MYT1L: variants seen among roughly 807,000 people sequenced by gnomAD.
The protein encoded by MYT1L is myelin transcription factor 1 like.
In MYT1L, 12 loss-of-function variants were observed where a neutral mutation model predicts 126.7. That is an observed-to-expected ratio of 0.09 (90% CI 0.06 to 0.15). The LOEUF is 0.15. Among genes scored for constraint, MYT1L ranks in the 10% least tolerant of loss-of-function variants. The probability of loss-of-function intolerance (pLI) is 1.00; values close to 1 mark genes in which losing one functional copy is unlikely to be tolerated. For missense variants in MYT1L, 979 were observed against 1,585.2 expected, an observed-to-expected ratio of 0.62 and a Z score of 6.49; for synonymous variants, 541 against 604.2, an observed-to-expected ratio of 0.90 and a Z score of 1.53.
At chr2:1,891,950 C>T in intron 15 of MYT1L, 87 bp downstream of exon 15, 1 of 1,437,612 alleles carries the variant, frequency 7.0e-7, no homozygotes, top group South Asian at 1.5e-5. Flanking sequence ...TACAGCTGCC[C>T]CGAAAGCGCC....
chr2:1,901,344 G>C (rs1417927274), intron 14 of MYT1L, among the ~76,000 whole-genome samples: 1 of 152,210 alleles, frequency 6.6e-6, no homozygotes, highest in African/African-American at 2.4e-5. Flanking sequence ...CAATGAATTG[G>C]AAATCATATA....
At chr2:1,875,210 G>T (rs373769507) in intron 18 of MYT1L, among the ~76,000 whole-genome samples, 132 of 152,260 alleles carry the variant, frequency 8.7e-4, no homozygotes, top group African/African-American at 3.0e-3. Context: ...GGGTGAGTGC[G>T]ATCGCTGCGG....
At chr2:2,252,078 C>T (rs753878635) in intron 2 of MYT1L, among the ~76,000 whole-genome samples, 18 of 152,062 alleles carry the variant, frequency 1.2e-4, no homozygotes, top group Non-Finnish European at 2.5e-4. Flanking sequence ...TTCAGCTGTC[C>T]TTGTTACCGA....
At chr2:1,819,709 A>T (rs1270476014) in intron 21 of MYT1L, among the ~76,000 whole-genome samples, 1 of 152,228 alleles carries the variant, frequency 6.6e-6, no homozygotes, top group African/African-American at 2.4e-5. Flanking sequence ...AGGGAGGTGG[A>T]GTCCGCATGG....
chr2:2,018,801 G>A (rs1046058209), intron 4 of MYT1L, among the ~76,000 whole-genome samples: 2 of 152,136 alleles, frequency 1.3e-5, no homozygotes, highest in African/African-American at 4.8e-5. Context: ...AGGAGGCTGG[G>A]AAAGAGGCCC....
chr2:1,890,618 G>C (rs2048743066), intron 15 of MYT1L, among the ~76,000 whole-genome samples: 1 of 151,808 alleles, frequency 6.6e-6, no homozygotes, highest in South Asian at 2.1e-4. Context: ...AAGAGAGTCA[G>C]AAGAATGGAC....
intron 4 of MYT1L, among the ~76,000 whole-genome samples, chr2:2,006,467 T>A (rs1385399332): frequency 6.6e-6 from 1 of 152,226 alleles, no homozygotes; most frequent in Non-Finnish European, 1.5e-5. Context: ...TCTCTAGACT[T>A]GATCATCCCA....
In MYT1L at chr2:1,851,630, T is replaced by C. The variant is rs1158405553; in HGVS notation, c.2774+11A>G. The C allele has an allele frequency of 1.9e-6, 3 of 1,612,274 alleles. No individual in the cohort carries two copies. Among genetic ancestry groups the C allele is most frequent in the East Asian group, 2.2e-5 (1 of 44,864 alleles). On this transcript the variant is annotated intron_variant, in intron 19 of 24. Coordinates refer to ENST00000647738, the MANE Select transcript of MYT1L (RefSeq NM_001303052.2). ...GAGCATTTTGGAGAGAAGAGTAGCA[T>C]CTCTACATACCTCCGATGAGAAGCA...
At chr2:2,312,533 A>G (rs1169434197) in intron 1 of MYT1L, among the ~76,000 whole-genome samples, 1 of 152,128 alleles carries the variant, frequency 6.6e-6, no homozygotes, top group African/African-American at 2.4e-5. Context: ...GGATTACTTG[A>G]ACGTGGGAGG....
rs146265716 is a variant in MYT1L at position 2,030,451 on chromosome 2, C to T, written c.-158+23527G>A. On this transcript the variant is annotated intron_variant, in intron 4 of 24. Transcript: ENST00000647738. ...TCTAAAGCATCTGATTCTTAACTAT[C>T]ATTCATTCGTTCATTTGTTATGTGT... Among the ~76,000 whole-genome samples, 50 of 152,278 alleles carry T rather than the reference C, an allele frequency of 3.3e-4. No individual in the cohort carries two copies. The East Asian group carries it at 7.9e-3, about 24-fold the overall frequency.
chr2:2,182,296 G>A (rs772725851), intron 2 of MYT1L, among the ~76,000 whole-genome samples: 7 of 152,168 alleles, frequency 4.6e-5, no homozygotes, highest in East Asian at 1.9e-4. Flanking sequence ...CATGCCAATC[G>A]CTGAAACCCT....
chr2:2,145,412 A>G (rs2084735506), intron 3 of MYT1L, among the ~76,000 whole-genome samples: 1 of 152,208 alleles, frequency 6.6e-6, no homozygotes, highest in African/African-American at 2.4e-5. Flanking sequence ...CACTACAGAT[A>G]AAAGATGTGT....
rs370987578 is a variant in MYT1L, at chr2:1,979,790, T to C, written c.1-13A>G. Reference sequence around the variant, plus strand: ...TGTCCACCTCCATCTGGGGATAGATTAGCAGCCATCAATGTGCTTATCCTG... The same window carrying C: ...TGTCCACCTCCATCTGGGGATAGATCAGCAGCCATCAATGTGCTTATCCTG... On this transcript the variant is annotated splice_polypyrimidine_tract_variant and intron_variant, in intron 5 of 24. Transcript: ENST00000647738. The surrounding 1 kb of genome is among the most constrained non-coding windows in gnomAD (Gnocchi z 4.0). The C allele has an allele frequency of 3.1e-6, 5 of 1,613,662 alleles. No individual in the cohort carries two copies. In the African/African-American group the frequency reaches 6.7e-5, roughly 22 times the overall value.
intron 18 of MYT1L, among the ~76,000 whole-genome samples, chr2:1,861,858 C>G (rs985584841): frequency 4.0e-5 from 6 of 151,250 alleles, no homozygotes; most frequent in East Asian, 2.0e-4. Flanking sequence ...CTGTGTAATC[C>G]TAGATCTGCC....
At chr2:2,260,944 T>G (rs2094948996) in intron 2 of MYT1L, among the ~76,000 whole-genome samples, 1 of 152,204 alleles carries the variant, frequency 6.6e-6, no homozygotes, top group South Asian at 2.1e-4. Flanking sequence ...TCTGCCAGAT[T>G]CTGAAACACA....
chr2:2,073,303 GCCC>G (rs1297764243), intron 3 of MYT1L, among the ~76,000 whole-genome samples: 1 of 143,578 alleles, frequency 7.0e-6, no homozygotes, highest in Non-Finnish European at 1.5e-5. Context: ...CCTTAGTCCT[GCCC>G]CCAACTTTCT....
intron 3 of MYT1L, among the ~76,000 whole-genome samples, chr2:2,106,637 C>A (rs535473254): frequency 3.3e-5 from 5 of 152,148 alleles, no homozygotes; most frequent in East Asian, 1.9e-4. Flanking sequence ...TAAATAAATA[C>A]ATAAATAAAT....
intron 15 of MYT1L, among the ~76,000 whole-genome samples, chr2:1,890,467 C>T (rs1339362072): frequency 2.6e-5 from 4 of 151,994 alleles, no homozygotes; most frequent in Non-Finnish European, 5.9e-5. Flanking sequence ...TGATTACCGT[C>T]TGATCTCTAG....
chr2:2,294,681 G>A (rs547880894), intron 1 of MYT1L, among the ~76,000 whole-genome samples: 2 of 152,216 alleles, frequency 1.3e-5, no homozygotes, highest in South Asian at 4.2e-4. Flanking sequence ...GGAGGCTGAG[G>A]GTATCTAAGT....
Sources: allele counts gnomAD v4.1 joint callset (sites outside exome capture counted in the v4.1 genomes callset), GRCh38; gene constraint gnomAD v4.1.1; non-coding constraint Gnocchi (gnomAD v3.1); transcripts MANE v1.5; gene names NCBI Gene and HGNC (gene_info 2026-07-23, HGNC 2026-07-21).